Variants in IMPG1 observed in about 807,000 individuals in gnomAD.
The protein encoded by IMPG1 is interphotoreceptor matrix proteoglycan of 150 kDa.
In IMPG1, 85 loss-of-function variants were observed where a neutral mutation model predicts 92.0. That is an observed-to-expected ratio of 0.92 (90% CI 0.78 to 1.11). The LOEUF (loss-of-function observed/expected upper bound fraction) is 1.11. IMPG1 is among the 50% of genes least tolerant of loss of function. The probability of loss-of-function intolerance (pLI) is 0.00; values close to 1 mark genes in which losing one functional copy is unlikely to be tolerated. For missense variants in IMPG1, 1,022 were observed against 956.0 expected (o/e 1.07, Z -0.91); for synonymous variants, 367 against 334.1 (o/e 1.10, Z -1.08).
intron 12 of IMPG1, among the ~76,000 whole-genome samples, chr6:75,973,243 G>A (rs895738932): frequency 1.3e-5 from 2 of 151,868 alleles, no homozygotes; most frequent in Non-Finnish European, 2.9e-5. Context: ...GCCTCCCAAA[G>A]TGTCCGGATT....
chr6:75,939,273 T>A (rs1274435678), intron 14 of IMPG1, among the ~76,000 whole-genome samples: 1 of 152,210 alleles, frequency 6.6e-6, no homozygotes. Context: ...TATGTATACA[T>A]GTGCCATGTT....
chr6:75,988,904 C>T (rs1367114618), intron 12 of IMPG1, among the ~76,000 whole-genome samples: 2 of 152,154 alleles, frequency 1.3e-5, no homozygotes, highest in African/African-American at 4.8e-5. Flanking sequence ...ACTGGTCTAC[C>T]TCCAAGGTCT....
chr6:76,005,604 A>G (rs1451660752), intron 9 of IMPG1, 70 bp from the exon 10 acceptor site: 2 of 1,529,554 alleles, frequency 1.3e-6, no homozygotes, highest in African/African-American at 2.7e-5. Flanking sequence ...GAATCACTAG[A>G]TTGCTACAAA....
chr6:75,936,968 G>A (rs1781756509), intron 14 of IMPG1, among the ~76,000 whole-genome samples: 1 of 152,196 alleles, frequency 6.6e-6, no homozygotes, highest in Non-Finnish European at 1.5e-5. Context: ...TGAAACCCTG[G>A]AGAGAGGTGA....
At chr6:76,034,887 C>T (rs184534043) in intron 2 of IMPG1, 100 bp from the exon 3 acceptor site, 113 of 966,808 alleles carry the variant, frequency 1.2e-4, no homozygotes, top group African/African-American at 3.9e-4. Flanking sequence ...TGGCTTATGT[C>T]GACACACTAA....
intron 12 of IMPG1, among the ~76,000 whole-genome samples, chr6:75,980,318 A>G (rs1451661116): frequency 2.0e-5 from 3 of 152,238 alleles, no homozygotes; most frequent in Non-Finnish European, 4.4e-5. Flanking sequence ...GGAAAGGAAA[A>G]TGGCGTGTGC....
At chr6:76,042,678 C>T (rs1301768552) in intron 1 of IMPG1, among the ~76,000 whole-genome samples, 3 of 152,020 alleles carry the variant, frequency 2.0e-5, no homozygotes, top group Non-Finnish European at 4.4e-5. Flanking sequence ...CTTATAGTTG[C>T]ATTTATAGTA....
chr6:75,929,062 C>G (rs1468127600), intron 15 of IMPG1, among the ~76,000 whole-genome samples: 1 of 152,214 alleles, frequency 6.6e-6, no homozygotes. Flanking sequence ...AGCAGTAATG[C>G]TGTGAACATT....
intron 14 of IMPG1, among the ~76,000 whole-genome samples, chr6:75,940,243 A>T (rs543601274): frequency 1.4e-4 from 21 of 152,296 alleles, no homozygotes; most frequent in Middle Eastern, 3.4e-3. Flanking sequence ...AAGTTTCCCA[A>T]ATGTATACTT....
At position 75,986,139 on chromosome 6, in the gene IMPG1, C is replaced by T. The variant is rs368979325; in HGVS notation, c.1291+16779G>A. 9.4e-4 allele frequency among the ~76,000 whole-genome samples: 143 copies of T among 152,068 alleles called. 1 individual carries two copies. Among genetic ancestry groups the T allele is most frequent in the African/African-American group, 3.2e-3 (133 of 41,504 alleles). ...ATGGGTTTTTTTTGGTACTTTGGTACTTTAATTTTTAAAAATATTACATTT... is the reference window on the plus strand; with the variant it reads ...ATGGGTTTTTTTTGGTACTTTGGTATTTTAATTTTTAAAAATATTACATTT... On this transcript the variant is annotated intron_variant, in intron 12 of 16. Transcript: ENST00000369950.
chr6:75,935,022 G>T (rs958369178), intron 14 of IMPG1: 2 of 470,784 alleles, frequency 4.2e-6, no homozygotes, highest in Admixed American at 2.3e-5. Context: ...ACCTGGGCTG[G>T]CTGGGCTGAG....
chr6:76,006,167 CTGGTAT>C (rs1783093677), intron 9 of IMPG1, among the ~76,000 whole-genome samples: 1 of 151,954 alleles, frequency 6.6e-6, no homozygotes, highest in Non-Finnish European at 1.5e-5. Flanking sequence ...AAAAAAGTTG[CTGGTAT>C]TGACCACTAT....
intron 9 of IMPG1, among the ~76,000 whole-genome samples, chr6:76,007,038 T>C (rs909572147): frequency 1.3e-5 from 2 of 152,170 alleles, no homozygotes; most frequent in Non-Finnish European, 2.9e-5. Context: ...CAAGGTATAG[T>C]GGGCCCTTTT....
At chr6:75,974,451 T>TCCTTCCTTCCTTCCTTCCTTCCTC (rs1224036118) in intron 12 of IMPG1, among the ~76,000 whole-genome samples, 1 of 133,148 alleles carries the variant, frequency 7.5e-6, no homozygotes, top group Non-Finnish European at 1.6e-5. Flanking sequence ...CTTCCTTCCT[T>TCCTTCCTTCCTTCCTTCCTTCCTC]CTTTCTTCTT....
chr6:76,049,825 G>T (rs1417958929), intron 1 of IMPG1, among the ~76,000 whole-genome samples: 1 of 152,158 alleles, frequency 6.6e-6, no homozygotes, highest in Non-Finnish European at 1.5e-5. Flanking sequence ...ACAAGATATT[G>T]GTGGGCAGGG....
intron 12 of IMPG1, among the ~76,000 whole-genome samples, chr6:75,985,767 C>T (rs1441456437): frequency 6.6e-6 from 1 of 152,092 alleles, no homozygotes; most frequent in Non-Finnish European, 1.5e-5. Flanking sequence ...TTGTGCTGAG[C>T]CATACTGAAT....
chr6:75,994,525 G>A (rs1782865549), intron 12 of IMPG1, among the ~76,000 whole-genome samples: 1 of 152,186 alleles, frequency 6.6e-6, no homozygotes, highest in Non-Finnish European at 1.5e-5. Context: ...GAGGTTTAAT[G>A]GACTCACAGT....
At chr6:75,981,689 A>G (rs1025962422) in intron 12 of IMPG1, among the ~76,000 whole-genome samples, 3 of 152,246 alleles carry the variant, frequency 2.0e-5, no homozygotes, top group African/African-American at 7.2e-5. Context: ...CCTGCGTCAA[A>G]GCATTCTGTA....
chr6:75,951,004 T>C lies in IMPG1; in HGVS notation c.1382A>G (p.Asp461Gly), dbSNP rs1305774918. Reference sequence around the variant, plus strand: ...GGCCATTGTATCTGTGGTGCCTTGATCAGTCAGAGAGAAGATGCTTGATGC... The same window carrying C: ...GGCCATTGTATCTGTGGTGCCTTGACCAGTCAGAGAGAAGATGCTTGATGC... ...FMASSIFSLT[D>G]QGTTDTMATD... The change falls in exon 13 of 17, where the codon GAT becomes GGT. Residue 461 changes from aspartate (D) to glycine (G), a missense_variant. Physicochemically the swap from Asp to Gly is moderately conservative, Grantham distance 94. Around this residue, in one of 3 missense-constraint regions of IMPG1, gnomAD observed 681 missense variants for 583.6 expected, o/e 1.17. Transcript: ENST00000369950. 6 of 1,613,808 alleles carry C rather than the reference T, an allele frequency of 3.7e-6. No individual in the cohort carries two copies. In the South Asian group the frequency reaches 6.6e-5, roughly 18 times the overall value.
Sources: allele counts gnomAD v4.1 joint callset (sites outside exome capture counted in the v4.1 genomes callset), GRCh38; gene constraint gnomAD v4.1.1; regional missense constraint gnomAD v4.1.1; transcripts MANE v1.5; gene names NCBI Gene and HGNC (gene_info 2026-07-23, HGNC 2026-07-21).